The following NUP93 variants were observed in gnomAD, a reference collection of about 807,000 sequenced individuals.
The protein encoded by NUP93 is nucleoporin 93.
A neutral mutation model predicts 107.8 loss-of-function variants in NUP93; 55 were observed. The ratio of observed to expected loss-of-function variants is 0.51; its 90% CI spans 0.41 to 0.64. The LOEUF (loss-of-function observed/expected upper bound fraction) is 0.64. Among genes scored for constraint, NUP93 ranks in the 30% least tolerant of loss-of-function variants. The pLI is 0.00. For missense variants in NUP93, 937 were observed against 1,044.7 expected, an observed-to-expected ratio of 0.90 and a Z score of 1.42; for synonymous variants, 390 against 397.5, an observed-to-expected ratio of 0.98 and a Z score of 0.22.
At chr16:56,813,401 C>T (rs1343502940) in intron 5 of NUP93, among the ~76,000 whole-genome samples, 1 of 152,238 alleles carries the variant, frequency 6.6e-6, no homozygotes, top group Non-Finnish European at 1.5e-5. Flanking sequence ...TTGAAAACTG[C>T]AGACCATAGG....
At chr16:56,815,961 ACT>A (rs1376527707) in intron 5 of NUP93, among the ~76,000 whole-genome samples, 2 of 150,092 alleles carry the variant, frequency 1.3e-5, no homozygotes, top group African/African-American at 2.4e-5. Context: ...CACTACTACT[ACT>A]CTCTACTGTT....
intron 2 of NUP93, among the ~76,000 whole-genome samples, chr16:56,751,718 A>G (rs542645673): frequency 3.1e-4 from 47 of 152,288 alleles, no homozygotes; most frequent in Non-Finnish European, 5.3e-4. Context: ...AGGCCTCCTG[A>G]CATTTTATAT....
chr16:56,768,839 T>C (rs1484214124), intron 3 of NUP93, among the ~76,000 whole-genome samples: 4 of 141,874 alleles, frequency 2.8e-5, no homozygotes, highest in Admixed American at 7.4e-5. Flanking sequence ...TGCACTCCAG[T>C]CTGGGGGACA....
In NUP93 at chr16:56,844,673, A is replaced by G; in HGVS notation, c.*64A>G. Reference sequence around the variant, plus strand: ...AGTACATCAGGCACATGGGCCCACTAGGCTGGGGTTTCTGGTTTTGTTTCT... The same window carrying G: ...AGTACATCAGGCACATGGGCCCACTGGGCTGGGGTTTCTGGTTTTGTTTCT... On this transcript the variant is annotated 3_prime_UTR_variant, in exon 22 of 22. Transcript: ENST00000308159. The G allele has an allele frequency of 3.1e-6, 3 of 967,660 alleles. No individual in the cohort carries two copies. Among genetic ancestry groups the G allele is most frequent in the South Asian group, 2.0e-5 (1 of 49,962 alleles). The allele number at this position is 967,660 out of a possible 1,614,324, so 59.9% of individuals were successfully genotyped here. A position where few individuals can be genotyped will look rare whatever the true frequency, so the allele number is the denominator to read the frequency against.
intron 5 of NUP93, among the ~76,000 whole-genome samples, chr16:56,810,253 G>T (rs1391388614): frequency 6.6e-6 from 1 of 152,122 alleles, no homozygotes; most frequent in African/African-American, 2.4e-5. Flanking sequence ...GCCCTTTTCC[G>T]GAATCTTACA....
intron 4 of NUP93, among the ~76,000 whole-genome samples, chr16:56,804,824 TG>T (rs1469617791): frequency 1.3e-5 from 2 of 150,684 alleles, no homozygotes; most frequent in Non-Finnish European, 2.9e-5. Context: ...GAAAATCACT[TG>T]AACCGTGGAG....
At chr16:56,790,019 C>T (rs1288161115) in intron 3 of NUP93, among the ~76,000 whole-genome samples, 6 of 152,138 alleles carry the variant, frequency 3.9e-5, no homozygotes, top group Non-Finnish European at 8.8e-5. Flanking sequence ...ATTGCTTGAA[C>T]CTGGGAGGCA....
intron 3 of NUP93, among the ~76,000 whole-genome samples, chr16:56,768,740 G>A (rs963467761): frequency 2.0e-5 from 3 of 151,288 alleles, no homozygotes; most frequent in East Asian, 1.9e-4. Flanking sequence ...GGTGGCGGGC[G>A]CCTGTAGTCC....
At chr16:56,777,314 G>A (rs1962432847) in intron 3 of NUP93, among the ~76,000 whole-genome samples, 1 of 152,094 alleles carries the variant, frequency 6.6e-6, no homozygotes. Context: ...TATAAACCCT[G>A]CTCTCACTCT....
At position 56,850,138 on chromosome 16, in the gene NUP93, G is replaced by T. The variant is rs1964159675; in HGVS notation, c.*5529G>T. ...TGCTTTTCTCGAGTCACTCTGTGTGGTGCTTGTGGGAGAAGGGAGAGGGTG... is the reference window on the plus strand; with the variant it reads ...TGCTTTTCTCGAGTCACTCTGTGTGTTGCTTGTGGGAGAAGGGAGAGGGTG... On this transcript the variant is annotated 3_prime_UTR_variant, in exon 22 of 22. Coordinates refer to ENST00000308159, the MANE Select transcript of NUP93 (RefSeq NM_014669.5). The T allele has an allele frequency of 6.6e-6, 1 of 152,196 alleles. No homozygotes were observed. The highest frequency in any genetic ancestry group is 1.5e-5 in the Non-Finnish European group (1 of 68,066). The allele number at this position is 152,196 out of a possible 1,614,324, so 9.4% of individuals were successfully genotyped here.
chr16:56,834,204 G>A lies in NUP93; in HGVS notation c.1614G>A (p.Lys538=), dbSNP rs758201399. The A allele has an allele frequency of 1.2e-6, 2 of 1,614,052 alleles. No homozygotes were observed. The highest frequency in any genetic ancestry group is 1.7e-6 in the Non-Finnish European group (2 of 1,180,032). ...GGCTCCTCATGCTGTACACCCGGAA[G>A]TTTGAGTCCACGGACCCAAGGGAGG... ...FVRLLMLYTR[K]FESTDPREAL... is the part of the protein sequence containing the mutation. Residue 538 remains lysine, a synonymous_variant, in exon 14 of 22, where the codon AAG becomes AAA. Transcript: ENST00000308159.
At chr16:56,816,206 A>T (rs1339493906) in intron 5 of NUP93, among the ~76,000 whole-genome samples, 1 of 152,248 alleles carries the variant, frequency 6.6e-6, no homozygotes, top group Non-Finnish European at 1.5e-5. Context: ...TGGAGTTAAT[A>T]ACATGGAAAT....
chr16:56,795,163 A>G (rs1410651992), intron 3 of NUP93, among the ~76,000 whole-genome samples: 1 of 152,026 alleles, frequency 6.6e-6, no homozygotes, highest in Non-Finnish European at 1.5e-5. Context: ...AATCAGCAGC[A>G]TAGCGGCAGC....
rs149503681 is a variant in NUP93 at position 56,833,279 on chromosome 16, G to A, written c.1410G>A (p.Ala470=). 302 of 1,606,676 alleles carry A rather than the reference G, an allele frequency of 1.9e-4. No individual in the cohort carries two copies. In the African/African-American group the frequency reaches 2.5e-3, roughly 13 times the overall value. The change falls in exon 13 of 22, where the codon GCG becomes GCA. Residue 470 remains alanine (A), a synonymous_variant. Transcript: ENST00000308159. Reference sequence around the variant, plus strand: ...ACTTCCAAGTCCTGTTCCTGACAGCGCAGTTTGAAGCAGCAGTTGCCTTTC... The same window carrying A: ...ACTTCCAAGTCCTGTTCCTGACAGCACAGTTTGAAGCAGCAGTTGCCTTTC... ...FLYFQVLFLT[A]QFEAAVAFLF...
chr16:56,828,178 A>G (rs1275242985), intron 8 of NUP93, among the ~76,000 whole-genome samples: 1 of 148,492 alleles, frequency 6.7e-6, no homozygotes, highest in South Asian at 2.2e-4. Flanking sequence ...GGGAACCACA[A>G]CAAGACCCTG....
chr16:56,837,824 C>G, intron 18 of NUP93, 98 bp downstream of exon 18: 1 of 811,686 alleles, frequency 1.2e-6, no homozygotes, highest in South Asian at 1.6e-5. Context: ...TACTAGGTAA[C>G]AGCAGACAGC....
At chr16:56,748,449 C>T in intron 2 of NUP93, 23 bp downstream of exon 2, 1 of 1,588,006 alleles carries the variant, frequency 6.3e-7, no homozygotes, top group Non-Finnish European at 8.6e-7. Context: ...AGGGAGACAG[C>T]ATTAGTACTG....
intron 3 of NUP93, among the ~76,000 whole-genome samples, chr16:56,776,215 G>A (rs1473025361): frequency 6.8e-6 from 1 of 146,022 alleles, no homozygotes; most frequent in Non-Finnish European, 1.5e-5. Context: ...GATAATGAAA[G>A]AAATACAGTT....
intron 2 of NUP93, among the ~76,000 whole-genome samples, chr16:56,751,116 T>A (rs1018452392): frequency 6.6e-6 from 1 of 152,000 alleles, no homozygotes; most frequent in Non-Finnish European, 1.5e-5. Context: ...ATCCCTCTTT[T>A]CTCACCAAAG....
Sources: gnomAD v4.1 joint callset for allele counts (sites outside exome capture counted in the v4.1 genomes callset) on GRCh38, gnomAD v4.1.1 for gene constraint, MANE v1.5 for transcripts, NCBI Gene and HGNC (gene_info 2026-07-23, HGNC 2026-07-21) for gene names.